The following PHACTR1 variants were observed in gnomAD, a reference collection of about 807,000 sequenced individuals.
The protein encoded by PHACTR1 is phosphatase and actin regulator 1.
Under a neutral mutation model 69.2 loss-of-function variants are expected in PHACTR1, and 16 were observed. The observed-to-expected ratio is 0.23, with a 90% CI of 0.16 to 0.35. PHACTR1 has a LOEUF of 0.35. Among genes scored for constraint, PHACTR1 ranks in the 10% least tolerant of loss-of-function variants. The pLI, the probability that PHACTR1 is intolerant of heterozygous loss-of-function variation, is 1.00. For missense variants in PHACTR1, 510 were observed against 734.7 expected (o/e 0.69, Z 3.54); for synonymous variants, 312 against 284.5 (o/e 1.10, Z -0.97).
At chr6:13,073,533 G>A (rs942656827) in intron 5 of PHACTR1, among the ~76,000 whole-genome samples, 1 of 151,012 alleles carries the variant, frequency 6.6e-6, no homozygotes, top group African/African-American at 2.4e-5. Context: ...TAGGAGAGAA[G>A]GGGTTTCACC....
intron 7 of PHACTR1, among the ~76,000 whole-genome samples, chr6:13,198,474 C>A (rs768379413): frequency 6.6e-6 from 1 of 152,068 alleles, no homozygotes; most frequent in Non-Finnish European, 1.5e-5. Context: ...GACGCTATGC[C>A]ACACGGTTTA....
intron 7 of PHACTR1, among the ~76,000 whole-genome samples, chr6:13,187,742 G>A (rs1164282826): frequency 6.6e-6 from 1 of 152,176 alleles, no homozygotes; most frequent in Non-Finnish European, 1.5e-5. Context: ...CTCAGCCATG[G>A]GATACCATTG....
At chr6:13,189,007 T>C (rs1203262560) in intron 7 of PHACTR1, among the ~76,000 whole-genome samples, 1 of 152,222 alleles carries the variant, frequency 6.6e-6, no homozygotes, top group Non-Finnish European at 1.5e-5. Flanking sequence ...TCATCATCAG[T>C]CACTTCTCTG....
At chr6:12,744,306 A>C (rs1765490172) in intron 3 of PHACTR1, among the ~76,000 whole-genome samples, 1 of 152,242 alleles carries the variant, frequency 6.6e-6, no homozygotes, top group Non-Finnish European at 1.5e-5. Flanking sequence ...AAGAAAGCAG[A>C]TTCTCATTGC....
intron 4 of PHACTR1, among the ~76,000 whole-genome samples, chr6:13,036,703 A>C (rs1016403690): frequency 6.6e-6 from 1 of 152,188 alleles, no homozygotes; most frequent in Admixed American, 6.5e-5. Flanking sequence ...AATTCTCCAC[A>C]TGGTATTTCT....
At chr6:13,177,063 T>A (rs1239544415) in intron 6 of PHACTR1, among the ~76,000 whole-genome samples, 1 of 150,290 alleles carries the variant, frequency 6.7e-6, no homozygotes, top group Non-Finnish European at 1.5e-5. Flanking sequence ...TTTTACCAGA[T>A]ATGGTGGCTC....
intron 7 of PHACTR1, among the ~76,000 whole-genome samples, chr6:13,189,596 C>A (rs1763242764): frequency 6.6e-6 from 1 of 152,050 alleles, no homozygotes; most frequent in African/African-American, 2.4e-5. Context: ...GAAGGAATTT[C>A]ACAAAGTTGC....
chr6:12,942,553 G>A (rs1262522110), intron 4 of PHACTR1, among the ~76,000 whole-genome samples: 1 of 152,146 alleles, frequency 6.6e-6, no homozygotes. Context: ...CAGTCACTTG[G>A]GAGGCCGAGA....
At chr6:13,259,046 C>G (rs1477037244) in intron 10 of PHACTR1, among the ~76,000 whole-genome samples, 2 of 152,172 alleles carry the variant, frequency 1.3e-5, no homozygotes, top group Admixed American at 6.5e-5. Flanking sequence ...AGTGGTGGAG[C>G]ACTGGACATT....
At chr6:12,864,536 C>T (rs1376531510) in intron 4 of PHACTR1, among the ~76,000 whole-genome samples, 12 of 152,184 alleles carry the variant, frequency 7.9e-5, no homozygotes, top group East Asian at 3.9e-4. Context: ...AAAAATTAGC[C>T]GGTCATGGTG....
chr6:13,084,984 G>T (rs1583288896), intron 5 of PHACTR1, among the ~76,000 whole-genome samples: 1 of 152,038 alleles, frequency 6.6e-6, no homozygotes, highest in East Asian at 1.9e-4. Flanking sequence ...AATAAAGGGG[G>T]AGAAATATTA....
intron 4 of PHACTR1, among the ~76,000 whole-genome samples, chr6:12,924,124 T>C (rs953897866): frequency 8.5e-5 from 13 of 152,222 alleles, no homozygotes; most frequent in Non-Finnish European, 1.8e-4. Context: ...GTTTAGATGA[T>C]ATAAAATATT....
At chr6:12,814,452 GCAAAGGC>G (rs1775360089) in intron 4 of PHACTR1, among the ~76,000 whole-genome samples, 1 of 152,326 alleles carries the variant, frequency 6.6e-6, no homozygotes, top group East Asian at 1.9e-4. Flanking sequence ...TAGTCATTTG[GCAAAGGC>G]CACAGATACT....
chr6:12,718,024 G>T (rs998113186), intron 2 of PHACTR1, among the ~76,000 whole-genome samples: 2 of 152,050 alleles, frequency 1.3e-5, no homozygotes, highest in Non-Finnish European at 1.5e-5. Flanking sequence ...TTAGCTTTGT[G>T]ACAGGCTAGT....
chr6:13,041,835 T>C (rs951756726), intron 4 of PHACTR1, among the ~76,000 whole-genome samples: 1 of 152,158 alleles, frequency 6.6e-6, no homozygotes, highest in Admixed American at 6.5e-5. Flanking sequence ...TGATGATACG[T>C]CTCTAGACTC....
intron 3 of PHACTR1, among the ~76,000 whole-genome samples, chr6:12,725,619 G>A (rs912589270): frequency 1.3e-5 from 2 of 152,180 alleles, no homozygotes; most frequent in African/African-American, 4.8e-5. Flanking sequence ...TGAATCCGCA[G>A]GAGACTTTGG....
At chr6:12,883,533 A>T (rs1391058340) in intron 4 of PHACTR1, among the ~76,000 whole-genome samples, 14 of 147,480 alleles carry the variant, frequency 9.5e-5, no homozygotes, top group Admixed American at 3.4e-4. Flanking sequence ...TTTTTTTTTT[A>T]AAGGTAGAAA....
intron 13 of PHACTR1, among the ~76,000 whole-genome samples, chr6:13,285,039 G>A (rs1194162513): frequency 6.6e-6 from 1 of 152,140 alleles, no homozygotes; most frequent in Non-Finnish European, 1.5e-5. Flanking sequence ...ATCTAAATAC[G>A]AAGAGGAAGG....
chr6:13,229,216 G>A (rs577027826), intron 9 of PHACTR1, among the ~76,000 whole-genome samples: 5 of 152,314 alleles, frequency 3.3e-5, no homozygotes, highest in East Asian at 1.9e-4. Context: ...GTGTGGGGCC[G>A]TCCTGTACAC....
Sources: gnomAD v4.1 joint callset for allele counts (sites outside exome capture counted in the v4.1 genomes callset) on GRCh38, gnomAD v4.1.1 for gene constraint, MANE v1.5 for transcripts, NCBI Gene and HGNC (gene_info 2026-07-23, HGNC 2026-07-21) for gene names.